RIMS1: variants seen among roughly 807,000 people sequenced by gnomAD.
RIMS1 encodes regulating synaptic membrane exocytosis 1, also known as regulating synaptic membrane exocytosis protein 1.
RIMS1 carries 83 observed loss-of-function variants against 214.1 expected under a neutral mutation model. That is an observed-to-expected ratio of 0.39 (90% CI 0.32 to 0.47). RIMS1 has a LOEUF of 0.47. Among genes scored for constraint, RIMS1 ranks in the 20% least tolerant of loss-of-function variants. The pLI is 0.99. For missense variants in RIMS1, 2,050 were observed against 2,161.8 expected, an observed-to-expected ratio of 0.95 and a Z score of 1.03; for synonymous variants, 793 against 786.8, an observed-to-expected ratio of 1.01 and a Z score of -0.13.
At chr6:72,306,153 T>C (rs1256985492) in intron 26 of RIMS1, among the ~76,000 whole-genome samples, 3 of 152,026 alleles carry the variant, frequency 2.0e-5, no homozygotes, top group Admixed American at 6.6e-5. Flanking sequence ...ATCAAACATA[T>C]CAACATTTCC....
intron 2 of RIMS1, among the ~76,000 whole-genome samples, chr6:72,036,857 G>C (rs1819761511): frequency 6.6e-6 from 1 of 152,232 alleles, no homozygotes; most frequent in South Asian, 2.1e-4. Flanking sequence ...ATGAAAGGGG[G>C]CAACATGGGA....
chr6:72,198,149 G>C (rs564261821), intron 6 of RIMS1, among the ~76,000 whole-genome samples: 36 of 152,118 alleles, frequency 2.4e-4, no homozygotes, highest in Non-Finnish European at 3.2e-4. Context: ...GGATACCTGC[G>C]CTCACATGTT....
chr6:72,149,736 G>C (rs2043257998), intron 4 of RIMS1, among the ~76,000 whole-genome samples: 1 of 152,206 alleles, frequency 6.6e-6, no homozygotes, highest in Non-Finnish European at 1.5e-5. Flanking sequence ...AAATGATGCA[G>C]GATTTTTCTT....
intron 15 of RIMS1, among the ~76,000 whole-genome samples, chr6:72,252,385 T>C (rs1249351032): frequency 6.6e-6 from 1 of 152,148 alleles, no homozygotes; most frequent in Non-Finnish European, 1.5e-5. Flanking sequence ...GAAATGTCTC[T>C]GAACCTTTCC....
chr6:72,183,056 T>C lies in RIMS1; in HGVS notation c.1585T>C (p.Ser529Pro). 2 of 1,596,912 alleles carry C rather than the reference T, an allele frequency of 1.3e-6. No individual in the cohort carries two copies. Among genetic ancestry groups the C allele is most frequent in the Non-Finnish European group, 1.7e-6 (2 of 1,172,692 alleles). The change falls in exon 6 of 34, where the codon TCG becomes CCG. Residue 529 changes from serine (S) to proline (P), a missense_variant. Physicochemically the swap from Ser to Pro is moderately conservative, Grantham distance 74. Coordinates refer to ENST00000521978, the MANE Select transcript of RIMS1 (RefSeq NM_014989.7). Reference sequence around the variant, plus strand: ...GAGAGGCGGCAAGAAGCGGCAGATGTCGGTGAGCAGCTCTGAGGAGGAGGG... The same window carrying C: ...GAGAGGCGGCAAGAAGCGGCAGATGCCGGTGAGCAGCTCTGAGGAGGAGGG... ...SKRGGKKRQMSVSSSEEEGVS... is the reference protein window; with the variant it reads ...SKRGGKKRQMPVSSSEEEGVS...
intron 26 of RIMS1, among the ~76,000 whole-genome samples, chr6:72,306,911 C>A (rs1419449562): frequency 6.6e-6 from 1 of 152,078 alleles, no homozygotes; most frequent in Non-Finnish European, 1.5e-5. Context: ...TATATATGTA[C>A]ATGCAACAAA....
chr6:72,219,223 G>A (rs2057485954), intron 6 of RIMS1, among the ~76,000 whole-genome samples: 1 of 152,136 alleles, frequency 6.6e-6, no homozygotes, highest in Admixed American at 6.6e-5. Flanking sequence ...TATCAAAGAA[G>A]ATACATTAAT....
At chr6:71,929,015 G>A (rs1782328342) in intron 1 of RIMS1, among the ~76,000 whole-genome samples, 2 of 152,122 alleles carry the variant, frequency 1.3e-5, no homozygotes, top group Non-Finnish European at 2.9e-5. Context: ...TTTTTGGTAA[G>A]AGACTGAAAG....
At chr6:71,898,867 C>T (rs545951441) in intron 1 of RIMS1, among the ~76,000 whole-genome samples, 221 of 152,108 alleles carry the variant, frequency 1.5e-3, no homozygotes, top group Non-Finnish European at 1.9e-3. Context: ...TTTTTTCCAC[C>T]GTCACCCTTT....
intron 16 of RIMS1, 50 bp from the exon 17 acceptor site, chr6:72,258,075 G>A: frequency 6.6e-7 from 1 of 1,505,886 alleles, no homozygotes. Flanking sequence ...GTTAATGTTT[G>A]CATTATAGAA....
At chr6:71,959,951 C>T (rs571653569) in intron 1 of RIMS1, among the ~76,000 whole-genome samples, 3 of 152,194 alleles carry the variant, frequency 2.0e-5, no homozygotes, top group East Asian at 3.9e-4. Context: ...TGTGACATGA[C>T]CAAAAGCATG....
At chr6:72,061,262 A>T (rs1217771723) in intron 2 of RIMS1, among the ~76,000 whole-genome samples, 1 of 152,346 alleles carries the variant, frequency 6.6e-6, no homozygotes, top group East Asian at 1.9e-4. Flanking sequence ...TATACAAACT[A>T]TAAAAAAACT....
At chr6:72,106,272 A>G (rs1209394760) in intron 4 of RIMS1, among the ~76,000 whole-genome samples, 1 of 152,208 alleles carries the variant, frequency 6.6e-6, no homozygotes, top group Non-Finnish European at 1.5e-5. Context: ...GTTATAAAAG[A>G]CTTAATTTTT....
intron 1 of RIMS1, among the ~76,000 whole-genome samples, chr6:71,917,861 T>G (rs937310974): frequency 6.6e-6 from 1 of 152,138 alleles, no homozygotes; most frequent in Admixed American, 6.6e-5. Context: ...TGATTTAGTG[T>G]TAGTAGAACA....
At chr6:72,080,074 TAAAAAAAAAAA>T (rs770845471) in intron 2 of RIMS1, among the ~76,000 whole-genome samples, 32 of 22,402 alleles carry the variant, frequency 1.4e-3, no homozygotes, top group Non-Finnish European at 2.0e-3. Context: ...GTGTCTCTAC[TAAAAAAAAAAA>T]AAAAAAAAAA....
At chr6:72,276,939 G>A (rs575275231) in intron 23 of RIMS1, among the ~76,000 whole-genome samples, 6 of 152,160 alleles carry the variant, frequency 3.9e-5, no homozygotes, top group Non-Finnish European at 5.9e-5. Context: ...GAATTTCAGC[G>A]TTAGGTGACT....
intron 2 of RIMS1, among the ~76,000 whole-genome samples, chr6:72,054,335 C>A (rs1483566497): frequency 6.6e-6 from 1 of 152,090 alleles, no homozygotes; most frequent in Non-Finnish European, 1.5e-5. Context: ...CATTGGTGGG[C>A]ATTTGGGTTG....
At chr6:71,918,049 T>A (rs1778948933) in intron 1 of RIMS1, among the ~76,000 whole-genome samples, 2 of 152,126 alleles carry the variant, frequency 1.3e-5, no homozygotes, top group Admixed American at 6.6e-5. Context: ...TAGTCGAATA[T>A]TCAAGTTGGG....
intron 1 of RIMS1, among the ~76,000 whole-genome samples, chr6:71,950,397 T>C (rs779987222): frequency 1.3e-5 from 2 of 152,036 alleles, no homozygotes; most frequent in Non-Finnish European, 2.9e-5. Flanking sequence ...GCAGTTATAA[T>C]GGAAACCTCT....
Sources: allele counts gnomAD v4.1 joint callset (sites outside exome capture counted in the v4.1 genomes callset), GRCh38; gene constraint gnomAD v4.1.1; transcripts MANE v1.5; gene names NCBI Gene and HGNC (gene_info 2026-07-23, HGNC 2026-07-21).